Variants in CBY3 observed in about 807,000 individuals in gnomAD.
The protein encoded by CBY3 is chibby family member 3, also known as sperm annulus positioning complex subunit Chibby3.
In CBY3, 7 loss-of-function variants were observed where a neutral mutation model predicts 3.0. The observed-to-expected ratio is 2.32, with a 90% CI of 1.32 to 4.35. The LOEUF (loss-of-function observed/expected upper bound fraction) is 4.35. Among genes scored for constraint, CBY3 ranks in the 30% most tolerant of loss-of-function variants. CBY3 has a pLI of 0.00. For missense variants in CBY3, 400 were observed against 336.4 expected (o/e 1.19, Z -1.48); for synonymous variants, 170 against 154.5 (o/e 1.10, Z -0.74).
intron 1 of CBY3, among the ~76,000 whole-genome samples, chr5:179,680,065 A>C (rs1776022517): frequency 6.9e-6 from 1 of 144,338 alleles, no homozygotes; most frequent in Non-Finnish European, 1.5e-5. Flanking sequence ...TGCCCGCCTC[A>C]GCGCCAAAGT....
rs937622709 is a variant in CBY3 at position 179,679,080 on chromosome 5, G to A, written c.232C>T (p.Gln78Ter). 1.3e-6 allele frequency: 2 copies of A among 1,535,600 alleles called. No homozygotes were observed. The highest frequency in any genetic ancestry group is 1.7e-6 in the Non-Finnish European group (2 of 1,146,612). The change falls in exon 2 of 2, where the codon CAG becomes TAG. Residue 78 changes from glutamine to a stop codon, truncating the protein, a stop_gained. Coordinates refer to ENST00000376974, the MANE Select transcript of CBY3 (RefSeq NM_001164444.2). LOFTEE classifies it low-confidence loss of function (END_TRUNC). ...CGCGAGATGTGATCGGCCCAAAACT[G>A]CTGCAGCGTCTGCCACAGGCGGCTG... is the stretch of plus-strand genomic sequence containing the variant. ...HASRLWQTLQ[Q>*]FWADHISRPF...
Sources: gnomAD v4.1 joint callset for allele counts (sites outside exome capture counted in the v4.1 genomes callset) on GRCh38, gnomAD v4.1.1 for gene constraint, MANE v1.5 for transcripts, NCBI Gene and HGNC (gene_info 2026-07-23, HGNC 2026-07-21) for gene names.